Variants in CEP164 observed in about 807,000 individuals in gnomAD.
CEP164 encodes the protein centrosomal protein of 164 kDa.
In CEP164, 162 loss-of-function variants were observed where a neutral mutation model predicts 182.7. That is an observed-to-expected ratio of 0.89 (90% confidence interval 0.78 to 1.01). The LOEUF (loss-of-function observed/expected upper bound fraction) is 1.01. Ranked by LOEUF, CEP164 falls within the 50% of genes least tolerant of loss-of-function variation. The pLI is 0.00. For synonymous variants in CEP164, 661 were observed against 690.0 expected, an observed-to-expected ratio of 0.96 and a Z score of 0.66; for missense variants, 1,735 against 1,790.4, an observed-to-expected ratio of 0.97 and a Z score of 0.56.
rs1405397278 is a variant in CEP164 at position 117,397,202 on chromosome 11, T to C, written c.3390T>C (p.Ala1130=). 2 of 1,614,244 alleles carry C rather than the reference T, an allele frequency of 1.2e-6. No homozygotes were observed. The highest frequency in any genetic ancestry group is 1.7e-6 in the Non-Finnish European group (2 of 1,180,048). Residue 1130 remains alanine, a synonymous_variant, in exon 27 of 33, where the codon GCT becomes GCC. Coordinates refer to ENST00000278935, the MANE Select transcript of CEP164 (RefSeq NM_014956.5). ...QTRSMRRRQT[A]LKAAQQHWRH... Reference sequence around the variant, plus strand: ...GCTCCATGCGGAGGCGGCAGACAGCTCTGAAAGCTGCCCAGCAGCATTGGC... The same window carrying C: ...GCTCCATGCGGAGGCGGCAGACAGCCCTGAAAGCTGCCCAGCAGCATTGGC...
At chr11:117,322,930 TA>T (rs1295072663), upstream of CEP164, among the ~76,000 whole-genome samples, 2 of 151,896 alleles carry the variant, frequency 1.3e-5, no homozygotes, top group African/African-American at 4.8e-5. Flanking sequence ...CATGCCCAGC[TA>T]ATTATTTGTA....
chr11:117,382,252 G>T (rs539823136), intron 13 of CEP164, among the ~76,000 whole-genome samples: 36 of 152,238 alleles, frequency 2.4e-4, no homozygotes, highest in Admixed American at 7.2e-4. Flanking sequence ...CCTTTCTCTA[G>T]TCCCCTCCCT....
intron 5 of CEP164, chr11:117,356,264 A>G (rs949151046): frequency 6.4e-6 from 7 of 1,099,242 alleles, no homozygotes; most frequent in Non-Finnish European, 7.8e-6. Context: ...CATCCTGCAG[A>G]TGGTCAAGAT....
At chr11:117,324,610 C>G (rs1425009596), upstream of CEP164, among the ~76,000 whole-genome samples, 1 of 152,140 alleles carries the variant, frequency 6.6e-6, no homozygotes, top group African/African-American at 2.4e-5. Context: ...TGAAGGTAAT[C>G]CTGTTAATCC....
chr11:117,396,293 G>T, intron 25 of CEP164, 113 bp downstream of exon 25: 2 of 1,231,330 alleles, frequency 1.6e-6, no homozygotes, highest in Non-Finnish European at 2.3e-6. Context: ...AGGAGGGGTG[G>T]AGCCTCAGGA....
At chr11:117,370,802 T>G (rs1430675310) in intron 8 of CEP164, among the ~76,000 whole-genome samples, 2 of 151,954 alleles carry the variant, frequency 1.3e-5, no homozygotes, top group African/African-American at 4.8e-5. Context: ...TCCCAGCTAC[T>G]GGGGAGGCTG....
chr11:117,402,607 C>T (rs1271188353), intron 27 of CEP164, among the ~76,000 whole-genome samples: 1 of 152,194 alleles, frequency 6.6e-6, no homozygotes, highest in Non-Finnish European at 1.5e-5. Flanking sequence ...TTTGCATTTA[C>T]TGAAGAGTGT....
chr11:117,322,903 C>G (rs548893), upstream of CEP164, among the ~76,000 whole-genome samples: 65,958 of 151,328 alleles, frequency 0.44, 14,834 homozygotes, highest in East Asian at 0.72. Context: ...GTAGCTGGGA[C>G]TACAGGCTCA....
At position 117,394,790 on chromosome 11, in the gene CEP164, G is replaced by A; in HGVS notation, c.2761-130G>A. On this transcript the variant is annotated intron_variant, in intron 21 of 32. Transcript: ENST00000278935. The surrounding 1 kb of genome is among the most constrained non-coding windows in gnomAD (Gnocchi z 4.0). ...GGAGCCTTCCTGGGAGGCTGCAGGG[G>A]CACACAGCGAGGAAGCCTGAGCCCA... is the stretch of plus-strand genomic sequence containing the variant. 1 of 997,926 alleles carries A rather than the reference G, an allele frequency of 1.0e-6. No homozygotes were observed. The highest frequency in any genetic ancestry group is 1.5e-6 in the Non-Finnish European group (1 of 654,328). 61.8% of individuals were successfully genotyped at this position (997,926 alleles called of 1,614,324 possible).
chr11:117,381,190 C>A (rs1040461026), intron 12 of CEP164, among the ~76,000 whole-genome samples: 1 of 152,224 alleles, frequency 6.6e-6, no homozygotes, highest in Non-Finnish European at 1.5e-5. Flanking sequence ...TGTGATGTGA[C>A]AGGGGCTCTC....
At position 117,409,691 on chromosome 11, in the gene CEP164, G is replaced by A; in HGVS notation, c.3822G>A (p.Gln1274=). The A allele has an allele frequency of 6.2e-7, 1 of 1,614,160 alleles. No homozygotes were observed. The highest frequency in any genetic ancestry group is 8.5e-7 in the Non-Finnish European group (1 of 1,180,024). ...LSHSLRQISS[Q]LSSVLSILDS... is the part of the protein sequence containing the mutation. ...ACTCCCTCCGGCAGATCAGCAGCCA[G>A]CTGAGCAGTGTCCTCAGCATCCTGG... Residue 1274 remains glutamine (Q), a synonymous_variant, in exon 30 of 33, where the codon CAG becomes CAA. Transcript: ENST00000278935. This position sits in a 1 kb window ranked among gnomAD's most constrained non-coding sequence, Gnocchi z 4.4.
At chr11:117,393,470 G>T (rs1310683068) in intron 20 of CEP164, among the ~76,000 whole-genome samples, 1 of 152,172 alleles carries the variant, frequency 6.6e-6, no homozygotes, top group African/African-American at 2.4e-5. Flanking sequence ...GCCAAGAACT[G>T]TTCTGAGCTC....
intron 7 of CEP164, 142 bp from the exon 8 acceptor site, chr11:117,363,287 G>A (rs1209212203): frequency 3.3e-6 from 2 of 599,666 alleles, no homozygotes; most frequent in African/African-American, 1.8e-5. Context: ...TGCCTCAGTG[G>A]TGGTCCTGCT....
At chr11:117,396,662 A>C in intron 26 of CEP164, 51 bp downstream of exon 26, 1 of 1,389,838 alleles carries the variant, frequency 7.2e-7, no homozygotes, top group Non-Finnish European at 1.0e-6. Flanking sequence ...ATGAAGGGGT[A>C]AGTGAGTACC....
intron 19 of CEP164, 150 bp from the exon 20 acceptor site, chr11:117,392,854 C>A: frequency 7.7e-7 from 1 of 1,305,112 alleles, no homozygotes; most frequent in Non-Finnish European, 1.1e-6. Context: ...TGGCTGTGTG[C>A]TGACCATGGT....
chr11:117,379,076 T>A (rs1008790727), intron 11 of CEP164, among the ~76,000 whole-genome samples: 8 of 152,090 alleles, frequency 5.3e-5, no homozygotes, highest in Admixed American at 2.6e-4. Context: ...GAAGACAAGT[T>A]GTGAGTTGCA....
chr11:117,336,464 C>T, intron 2 of CEP164: 1 of 1,482,860 alleles, frequency 6.7e-7, no homozygotes, highest in Non-Finnish European at 9.3e-7. Context: ...GGGGCCCCAC[C>T]TGGGAGGAAA....
upstream of CEP164, chr11:117,323,815 G>A (rs2035335445): frequency 1.1e-5 from 4 of 375,180 alleles, no homozygotes; most frequent in Admixed American, 5.6e-5. Flanking sequence ...ATCTCATTGT[G>A]GTTTTGGTTT....
chr11:117,390,966 C>T (rs371218032), intron 16 of CEP164, 33 bp from the exon 17 acceptor site: 12 of 1,613,690 alleles, frequency 7.4e-6, no homozygotes, highest in Admixed American at 3.3e-5. Flanking sequence ...CCAGGGTGCA[C>T]AGGCCCGTTA....
Sources: allele counts gnomAD v4.1 joint callset (sites outside exome capture counted in the v4.1 genomes callset), GRCh38; gene constraint gnomAD v4.1.1; non-coding constraint Gnocchi (gnomAD v3.1); transcripts MANE v1.5; gene names NCBI Gene and HGNC (gene_info 2026-07-23, HGNC 2026-07-21).